Variants in MAST4 observed in about 807,000 individuals in gnomAD.
MAST4 encodes the protein microtubule-associated serine/threonine-protein kinase 4.
In MAST4, 89 loss-of-function variants were observed where a neutral mutation model predicts 162.7. The ratio of observed to expected loss-of-function variants is 0.55; its 90% CI spans 0.46 to 0.65. MAST4 has a LOEUF of 0.65. MAST4 is among the 30% of genes least tolerant of loss of function. The pLI, the probability that MAST4 is intolerant of heterozygous loss-of-function variation, is 0.00. For missense variants in MAST4, 3,153 were observed against 3,374.0 expected, an observed-to-expected ratio of 0.93 and a Z score of 1.62; for synonymous variants, 1,479 against 1,361.1, an observed-to-expected ratio of 1.09 and a Z score of -1.91.
intron 26 of MAST4, among the ~76,000 whole-genome samples, chr5:67,160,084 G>C (rs1349702712): frequency 6.6e-6 from 1 of 152,166 alleles, no homozygotes; most frequent in Non-Finnish European, 1.5e-5. Context: ...TGTTGCACTG[G>C]GTGCAAAAGG....
At chr5:67,151,767 C>CTTTTTTT (rs1163541260) in intron 24 of MAST4, among the ~76,000 whole-genome samples, 40 of 115,630 alleles carry the variant, frequency 3.5e-4, no homozygotes, top group Non-Finnish European at 5.8e-4. Flanking sequence ...TTCTTTTTTT[C>CTTTTTTT]TTTTTTTTTT....
intron 9 of MAST4, among the ~76,000 whole-genome samples, chr5:67,104,037 T>C (rs991434943): frequency 1.3e-5 from 2 of 152,198 alleles, no homozygotes; most frequent in African/African-American, 4.8e-5. Context: ...ATAGCAACTT[T>C]TTAAGAACAG....
chr5:67,100,777 T>C (rs1764939030), intron 8 of MAST4, among the ~76,000 whole-genome samples, 185 bp downstream of exon 8: 1 of 152,222 alleles, frequency 6.6e-6, no homozygotes, highest in African/African-American at 2.4e-5. Context: ...CTTATAAGTT[T>C]CCTTTTCAGT....
rs1383400822 is a variant in MAST4, at chr5:67,142,404, C to T, written c.2618-17C>T. The T allele has an allele frequency of 6.4e-7, 1 of 1,572,038 alleles. No individual in the cohort carries two copies. Among genetic ancestry groups the T allele is most frequent in the East Asian group, 2.3e-5 (1 of 43,464 alleles). ...AAATCTGAGTAATTGGACCTGTTCC[C>T]AAACATTTCACTGCAGCTCGGTCTG... On this transcript the variant is annotated splice_polypyrimidine_tract_variant and intron_variant, in intron 20 of 28. Coordinates refer to ENST00000403625, the MANE Select transcript of MAST4 (RefSeq NM_001164664.2).
intron 8 of MAST4, 38 bp downstream of exon 8, chr5:67,100,630 T>C: frequency 6.2e-7 from 1 of 1,611,736 alleles, no homozygotes; most frequent in Non-Finnish European, 8.5e-7. Flanking sequence ...CTTAGTTGGA[T>C]TCTCTATTTT....
intron 5 of MAST4, among the ~76,000 whole-genome samples, chr5:67,080,014 A>G (rs1418767519): frequency 6.6e-6 from 1 of 152,222 alleles, no homozygotes; most frequent in Non-Finnish European, 1.5e-5. Flanking sequence ...AGTCTGCCTT[A>G]GAGTCGTCAC....
intron 4 of MAST4, among the ~76,000 whole-genome samples, chr5:67,017,846 C>G (rs1392903225): frequency 1.3e-5 from 2 of 152,068 alleles, no homozygotes; most frequent in African/African-American, 4.8e-5. Flanking sequence ...ATCCGGCCAC[C>G]TCGGCCTCCC....
intron 5 of MAST4, among the ~76,000 whole-genome samples, chr5:67,070,202 A>G (rs910837254): frequency 6.6e-6 from 1 of 152,218 alleles, no homozygotes; most frequent in Non-Finnish European, 1.5e-5. Flanking sequence ...GAGAAGGACC[A>G]AATGCAAATT....
chr5:67,014,905 C>T (rs1004435891), intron 4 of MAST4, among the ~76,000 whole-genome samples: 3 of 152,150 alleles, frequency 2.0e-5, no homozygotes, highest in African/African-American at 7.2e-5. Flanking sequence ...GAGATTTAAC[C>T]TTACAATTAG....
intron 10 of MAST4, among the ~76,000 whole-genome samples, chr5:67,109,823 A>T (rs143400699): frequency 6.6e-6 from 1 of 152,204 alleles, no homozygotes; most frequent in African/African-American, 2.4e-5. Context: ...TCCTTCATTC[A>T]TGGTTCACAT....
chr5:66,723,651 T>C (rs2149542775), intron 1 of MAST4, among the ~76,000 whole-genome samples: 1 of 152,310 alleles, frequency 6.6e-6, no homozygotes, highest in Middle Eastern at 3.4e-3. Flanking sequence ...TCATTATGGC[T>C]TTATGAATCC....
At chr5:66,837,923 G>A (rs1758141206) in intron 3 of MAST4, among the ~76,000 whole-genome samples, 1 of 128,370 alleles carries the variant, frequency 7.8e-6, no homozygotes, top group Admixed American at 8.5e-5. Context: ...TTTTTAATGT[G>A]GAGGTGTTTG....
intron 3 of MAST4, among the ~76,000 whole-genome samples, chr5:66,810,921 G>A (rs1756445012): frequency 6.6e-6 from 1 of 152,222 alleles, no homozygotes; most frequent in African/African-American, 2.4e-5. Context: ...TGTGAAAGCA[G>A]AAGTTATGAT....
intron 1 of MAST4, among the ~76,000 whole-genome samples, chr5:66,743,603 T>A (rs74458999): frequency 0.012 from 1,770 of 152,160 alleles, 29 homozygotes; most frequent in African/African-American, 0.04. Flanking sequence ...TGCAGGACGC[T>A]GGGCACAGGG....
intron 1 of MAST4, among the ~76,000 whole-genome samples, chr5:66,612,843 T>TA (rs1387127265): frequency 6.6e-6 from 1 of 152,218 alleles, no homozygotes; most frequent in Non-Finnish European, 1.5e-5. Context: ...GTTACAGTCT[T>TA]AAAGTCTTCT....
intron 1 of MAST4, among the ~76,000 whole-genome samples, chr5:66,648,075 TGTGTGTGTGAGAGA>T (rs1483602615): frequency 9.9e-4 from 94 of 95,414 alleles, no homozygotes; most frequent in Middle Eastern, 5.4e-3. Flanking sequence ...TGTGTGTGTG[TGTGTGTGTGAGAGA>T]GAGAGAGAGA....
At chr5:66,955,846 C>T (rs74504235) in intron 4 of MAST4, among the ~76,000 whole-genome samples, 10,528 of 152,164 alleles carry the variant, frequency 0.069, 1,146 homozygotes, top group African/African-American at 0.24. Context: ...TGTGTACATA[C>T]ACAATATCAT....
At chr5:67,067,993 C>A (rs1404033715) in intron 5 of MAST4, among the ~76,000 whole-genome samples, 1 of 152,136 alleles carries the variant, frequency 6.6e-6, no homozygotes, top group African/African-American at 2.4e-5. Flanking sequence ...CACCTAGTGT[C>A]CAGGATCCTG....
intron 3 of MAST4, among the ~76,000 whole-genome samples, chr5:66,852,857 C>T (rs563560032): frequency 6.6e-6 from 1 of 152,240 alleles, no homozygotes; most frequent in African/African-American, 2.4e-5. Flanking sequence ...ATTATATTCC[C>T]TTTGGTGCGT....
Sources: gnomAD v4.1 joint callset for allele counts (sites outside exome capture counted in the v4.1 genomes callset) on GRCh38, gnomAD v4.1.1 for gene constraint, MANE v1.5 for transcripts, NCBI Gene and HGNC (gene_info 2026-07-23, HGNC 2026-07-21) for gene names.